Variants in MRTFA observed in about 807,000 individuals in gnomAD.
MRTFA encodes myocardin-related transcription factor A.
In MRTFA, 20 loss-of-function variants were observed where a neutral mutation model predicts 83.5. That is an observed-to-expected ratio of 0.24 (90% confidence interval 0.17 to 0.35). The LOEUF is 0.35. MRTFA is among the 10% of genes least tolerant of loss of function. The pLI is 1.00. For synonymous variants in MRTFA, 659 were observed against 541.2 expected (o/e 1.22, Z -3.02); for missense variants, 1,200 against 1,224.7 (o/e 0.98, Z 0.30).
Position 40,496,065 on chromosome 22 carries a change from C to A in MRTFA, c.242-32779G>T, listed in dbSNP as rs1018312323. 2.7e-5 allele frequency among the ~76,000 whole-genome samples: 4 copies of A among 146,546 alleles called. No homozygotes were observed. The East Asian group carries it at 7.9e-4, about 29-fold the overall frequency. ...CGGGCCACAGAATGAGACTCAGTCTCAGAAAAAAAAAAATAAATTAATAAT... is the reference window on the plus strand; with the variant it reads ...CGGGCCACAGAATGAGACTCAGTCTAAGAAAAAAAAAAATAAATTAATAAT... On this transcript the variant is annotated intron_variant, in intron 3 of 14. Coordinates refer to ENST00000355630, the MANE Select transcript of MRTFA (RefSeq NM_020831.6).
At chr22:40,463,545 T>G (rs2053754358) in intron 3 of MRTFA, 1 of 380,480 alleles carries the variant, frequency 2.6e-6, no homozygotes, top group Non-Finnish European at 4.8e-6. Flanking sequence ...AGTCTTGCCT[T>G]TTGCTCAAAA....
At chr22:40,563,914 T>C (rs1273202817) in intron 2 of MRTFA, among the ~76,000 whole-genome samples, 3 of 152,056 alleles carry the variant, frequency 2.0e-5, no homozygotes, top group Admixed American at 6.6e-5. Context: ...AAAAGAAATA[T>C]GCGGTTGTGG....
intron 2 of MRTFA, among the ~76,000 whole-genome samples, chr22:40,567,091 T>C (rs961775015): frequency 2.0e-5 from 3 of 152,216 alleles, no homozygotes. Flanking sequence ...AAGGGTCTTA[T>C]AAGAAGGTAC....
chr22:40,609,468 C>A (rs1602491605), intron 1 of MRTFA, among the ~76,000 whole-genome samples: 3 of 140,368 alleles, frequency 2.1e-5, no homozygotes, highest in Admixed American at 1.5e-4. Flanking sequence ...CAGAGTGAGA[C>A]CCTGTCTCTT....
intron 9 of MRTFA, among the ~76,000 whole-genome samples, chr22:40,422,609 C>G (rs1315822712): frequency 6.6e-6 from 1 of 152,224 alleles, no homozygotes; most frequent in Non-Finnish European, 1.5e-5. Flanking sequence ...CAGGAAGCCA[C>G]AGTGACTTTC....
At chr22:40,454,879 G>C (rs975565816) in intron 4 of MRTFA, among the ~76,000 whole-genome samples, 17 of 152,186 alleles carry the variant, frequency 1.1e-4, no homozygotes, top group South Asian at 1.0e-3. Context: ...CTGCAACCTT[G>C]ACCTTCTGGG....
At chr22:40,527,804 C>G (rs529346213) in intron 3 of MRTFA, among the ~76,000 whole-genome samples, 54 of 150,192 alleles carry the variant, frequency 3.6e-4, no homozygotes, top group Non-Finnish European at 7.5e-4. Flanking sequence ...AAGTGAAGTT[C>G]CAAAAAAACA....
Position 40,417,458 on chromosome 22 carries a change from G to C in MRTFA, c.2400C>G (p.Pro800=), listed in dbSNP as rs1029012026. The C allele has an allele frequency of 6.3e-6, 10 of 1,598,342 alleles. No homozygotes were observed. Among genetic ancestry groups the C allele is most frequent in the Non-Finnish European group, 8.5e-6 (10 of 1,173,340 alleles). Reference sequence around the variant, plus strand: ...GGTGCTCCAGGTCCATCTGGGCAGAGGGGGCAGGCGCTGGAGAGCCAGGCT... The same window carrying C: ...GGTGCTCCAGGTCCATCTGGGCAGACGGGGCAGGCGCTGGAGAGCCAGGCT... Residue 800 remains proline (P), a synonymous_variant, in exon 13 of 15, where the codon CCC becomes CCG. Transcript: ENST00000355630.
chr22:40,460,132 C>A (rs2053684883), intron 4 of MRTFA, among the ~76,000 whole-genome samples: 4 of 151,938 alleles, frequency 2.6e-5, no homozygotes, highest in Admixed American at 2.6e-4. Flanking sequence ...ACCATGTTAG[C>A]CAGGCTGGTC....
intron 2 of MRTFA, among the ~76,000 whole-genome samples, chr22:40,567,930 T>C (rs2055730003): frequency 6.6e-6 from 1 of 152,152 alleles, no homozygotes; most frequent in South Asian, 2.1e-4. Context: ...CTTTATAAAA[T>C]GAACCATGAA....
chr22:40,552,737 G>A (rs1280924089), intron 2 of MRTFA, among the ~76,000 whole-genome samples: 2 of 152,142 alleles, frequency 1.3e-5, no homozygotes, highest in Non-Finnish European at 2.9e-5. Context: ...CCAGTCTCAG[G>A]CAGTTCTTTA....
intron 2 of MRTFA, among the ~76,000 whole-genome samples, chr22:40,563,804 A>C (rs906592942): frequency 6.6e-6 from 1 of 152,254 alleles, no homozygotes; most frequent in African/African-American, 2.4e-5. Context: ...TAGATGTGAG[A>C]AAATGTGAAC....
rs991790693 is a variant in MRTFA, at chr22:40,480,096, C to T, written c.242-16810G>A. ...TCACAACAAAGCTATGCAGACGATA[C>T]AACTGTCATACCATTTTGTAGATGA... On this transcript the variant is annotated intron_variant, in intron 3 of 14. Transcript: ENST00000355630. 3.1e-4 allele frequency among the ~76,000 whole-genome samples: 47 copies of T among 152,214 alleles called. 1 individual carries two copies. The highest frequency in any genetic ancestry group is 1.1e-3 in the African/African-American group (47 of 41,512).
intron 2 of MRTFA, among the ~76,000 whole-genome samples, chr22:40,565,055 A>G (rs893344309): frequency 4.6e-5 from 7 of 152,204 alleles, no homozygotes; most frequent in African/African-American, 1.7e-4. Flanking sequence ...CACCAGCTAG[A>G]AGAAACAGAA....
intron 4 of MRTFA, among the ~76,000 whole-genome samples, chr22:40,447,664 C>T (rs1454003363): frequency 6.6e-6 from 1 of 152,198 alleles, no homozygotes; most frequent in Admixed American, 6.5e-5. Context: ...CATAAATAAA[C>T]AGGTTTGCTG....
intron 3 of MRTFA, among the ~76,000 whole-genome samples, chr22:40,530,364 T>C (rs2055056745): frequency 6.6e-6 from 1 of 152,232 alleles, no homozygotes; most frequent in South Asian, 2.1e-4. Context: ...TGGCACAATC[T>C]CAGCTCACTG....
intron 3 of MRTFA, among the ~76,000 whole-genome samples, chr22:40,548,539 G>C (rs963602830): frequency 1.3e-5 from 2 of 151,802 alleles, no homozygotes; most frequent in Non-Finnish European, 2.9e-5. Flanking sequence ...ATTTACACCA[G>C]CATGGGACAG....
chr22:40,438,398 T>A (rs560351137), intron 4 of MRTFA, among the ~76,000 whole-genome samples: 1 of 152,352 alleles, frequency 6.6e-6, no homozygotes, highest in Admixed American at 6.5e-5. Context: ...AAACCCTGGC[T>A]GACTTGCTGC....
intron 2 of MRTFA, among the ~76,000 whole-genome samples, chr22:40,583,785 A>G (rs2055984221): frequency 6.6e-6 from 1 of 152,166 alleles, no homozygotes; most frequent in Admixed American, 6.5e-5. Flanking sequence ...GCTTCATCCC[A>G]AAACCTTGCC....
Sources: allele counts gnomAD v4.1 joint callset (sites outside exome capture counted in the v4.1 genomes callset), GRCh38; gene constraint gnomAD v4.1.1; transcripts MANE v1.5; gene names NCBI Gene and HGNC (gene_info 2026-07-23, HGNC 2026-07-21).